Variants in SERINC5 observed in about 807,000 individuals in gnomAD.
SERINC5 encodes chromosome 5 open reading frame 12.
In SERINC5, 41 loss-of-function variants were observed where a neutral mutation model predicts 63.1. The observed-to-expected ratio is 0.65, with a 90% CI of 0.51 to 0.84. The LOEUF is 0.84. Among genes scored for constraint, SERINC5 ranks in the 40% least tolerant of loss-of-function variants. The probability of loss-of-function intolerance (pLI) is 0.00; values close to 1 mark genes in which losing one functional copy is unlikely to be tolerated. For synonymous variants in SERINC5, 222 were observed against 215.2 expected (o/e 1.03, Z -0.28); for missense variants, 523 against 573.0 (o/e 0.91, Z 0.89).
chr5:80,231,790 T>C (rs1751449284), intron 1 of SERINC5, among the ~76,000 whole-genome samples: 1 of 151,300 alleles, frequency 6.6e-6, no homozygotes, highest in African/African-American at 2.4e-5. Context: ...CCTTTCCCCA[T>C]ACCAGACAAA....
intron 8 of SERINC5, among the ~76,000 whole-genome samples, chr5:80,153,555 G>C (rs567220332): frequency 6.6e-6 from 1 of 152,034 alleles, no homozygotes; most frequent in African/African-American, 2.4e-5. Context: ...TGTTTGGTGA[G>C]CACAGCACAA....
chr5:80,212,669 G>C (rs948030758), intron 1 of SERINC5, among the ~76,000 whole-genome samples: 6 of 139,552 alleles, frequency 4.3e-5, no homozygotes, highest in African/African-American at 1.3e-4. Flanking sequence ...GTGGGGTGGG[G>C]GGGGGGTGTT....
intron 5 of SERINC5, among the ~76,000 whole-genome samples, chr5:80,171,866 G>A (rs371702931): frequency 2.6e-5 from 4 of 151,962 alleles, no homozygotes; most frequent in African/African-American, 9.7e-5. Flanking sequence ...GGGTGACAGA[G>A]TGAGACCCTG....
At chr5:80,179,261 T>G (rs967373694) in intron 2 of SERINC5, among the ~76,000 whole-genome samples, 20 of 152,134 alleles carry the variant, frequency 1.3e-4, no homozygotes, top group African/African-American at 4.8e-4. Context: ...ATCGTGACAC[T>G]GCACTCTAGC....
intron 9 of SERINC5, among the ~76,000 whole-genome samples, chr5:80,148,250 G>C (rs1337945854): frequency 6.8e-6 from 1 of 147,972 alleles, no homozygotes; most frequent in Non-Finnish European, 1.5e-5. Flanking sequence ...GAGTGCAATG[G>C]CACGATCTCG....
chr5:80,225,425 GA>G (rs1412281503), intron 1 of SERINC5, among the ~76,000 whole-genome samples: 33 of 152,184 alleles, frequency 2.2e-4, no homozygotes, highest in Admixed American at 1.6e-3. Context: ...GTAACACCTT[GA>G]TCACACCTTC....
intron 11 of SERINC5, among the ~76,000 whole-genome samples, chr5:80,145,261 T>G (rs964599956): frequency 2.0e-5 from 3 of 152,034 alleles, no homozygotes; most frequent in African/African-American, 7.3e-5. Flanking sequence ...GGAGAATCAC[T>G]TGAACCCAGG....
rs1005372954 is a variant in SERINC5 at position 80,141,262 on chromosome 5, G to C, written c.*2401C>G. ...ATCAGACCAACCGGCAGAAGGGAAC[G>C]GGATGTCACAAACCAGACTCACGCA... is the stretch of plus-strand genomic sequence containing the variant. On this transcript the variant is annotated 3_prime_UTR_variant, in exon 12 of 12. Coordinates refer to ENST00000507668, the MANE Select transcript of SERINC5 (RefSeq NM_001174072.3). The C allele has an allele frequency of 4.1e-6, 4 of 985,334 alleles. No homozygotes were observed. The highest frequency in any genetic ancestry group is 3.5e-5 in the African/African-American group (2 of 57,232). The allele number at this position is 985,334 out of a possible 1,614,324, so 61.0% of individuals were successfully genotyped here.
intron 11 of SERINC5, among the ~76,000 whole-genome samples, chr5:80,117,055 TC>T (rs1277980201): frequency 6.6e-6 from 1 of 151,946 alleles, no homozygotes; most frequent in Non-Finnish European, 1.5e-5. Context: ...GGTCTCAAAC[TC>T]CCGATCTCAG....
intron 7 of SERINC5, 37 bp from the exon 8 acceptor site, chr5:80,158,999 C>G (rs2112347149): frequency 6.2e-7 from 1 of 1,610,812 alleles, no homozygotes. Context: ...CAGTCAAGTA[C>G]AAAGGCCAGT....
At chr5:80,228,295 G>A (rs1751263873) in intron 1 of SERINC5, among the ~76,000 whole-genome samples, 1 of 118,140 alleles carries the variant, frequency 8.5e-6, no homozygotes, top group Non-Finnish European at 1.8e-5. Flanking sequence ...AGGGAAAGGA[G>A]GGAGGGAGGG....
At chr5:80,113,142 T>C (rs1744188396) in intron 12 of SERINC5, among the ~76,000 whole-genome samples, 1 of 152,212 alleles carries the variant, frequency 6.6e-6, no homozygotes. Context: ...TCTCTTTTTT[T>C]CCTTAGAATA....
intron 1 of SERINC5, among the ~76,000 whole-genome samples, chr5:80,221,969 AC>A (rs1328837667): frequency 6.6e-6 from 1 of 151,924 alleles, no homozygotes; most frequent in Admixed American, 6.6e-5. Flanking sequence ...TTGTGGGGAG[AC>A]ATCAGCTCTA....
intron 1 of SERINC5, among the ~76,000 whole-genome samples, chr5:80,249,048 C>T (rs2112610651): frequency 6.6e-6 from 1 of 152,338 alleles, no homozygotes; most frequent in East Asian, 1.9e-4. Context: ...GGTACGGTGG[C>T]TCACGCCTGT....
At position 80,140,816 on chromosome 5, in the gene SERINC5, C is replaced by A. The variant is rs1745463750; in HGVS notation, c.*2847G>T. 3.0e-6 allele frequency: 3 copies of A among 985,344 alleles called. No homozygotes were observed. Among genetic ancestry groups the A allele is most frequent in the Non-Finnish European group, 3.6e-6 (3 of 829,924 alleles). 61.0% of individuals were successfully genotyped at this position (985,344 alleles called of 1,614,324 possible). A position where few individuals can be genotyped will look rare whatever the true frequency, so the allele number is the denominator to read the frequency against. On this transcript the variant is annotated 3_prime_UTR_variant, in exon 12 of 12. Coordinates refer to ENST00000507668, the MANE Select transcript of SERINC5 (RefSeq NM_001174072.3). ...ACAAATCACACAGAGGAAATATTCA[C>A]ATGCAGCTTTAAAAAAGTCCTCTTC...
chr5:80,191,695 CTTTTT>C (rs200623852), intron 2 of SERINC5, among the ~76,000 whole-genome samples: 3 of 140,166 alleles, frequency 2.1e-5, no homozygotes, highest in Admixed American at 7.1e-5. Flanking sequence ...AAAAAAAAGA[CTTTTT>C]TTTTTTTAAC....
chr5:80,230,416 C>T (rs1280008568), intron 1 of SERINC5, among the ~76,000 whole-genome samples: 2 of 135,460 alleles, frequency 1.5e-5, no homozygotes, highest in Admixed American at 8.5e-5. Context: ...GCCAGGATCC[C>T]GCCACTGCAT....
intron 2 of SERINC5, among the ~76,000 whole-genome samples, chr5:80,194,313 C>G (rs1418633609): frequency 6.6e-6 from 1 of 152,160 alleles, no homozygotes; most frequent in Non-Finnish European, 1.5e-5. Flanking sequence ...GCCCCTGATG[C>G]AGGTCTCAGG....
chr5:80,123,440 T>C (rs1744624163), intron 11 of SERINC5, among the ~76,000 whole-genome samples: 1 of 152,178 alleles, frequency 6.6e-6, no homozygotes, highest in Non-Finnish European at 1.5e-5. Flanking sequence ...TATTTTTTAT[T>C]AATAAAAAGT....
Sources: allele counts gnomAD v4.1 joint callset (sites outside exome capture counted in the v4.1 genomes callset), GRCh38; gene constraint gnomAD v4.1.1; transcripts MANE v1.5; gene names NCBI Gene and HGNC (gene_info 2026-07-23, HGNC 2026-07-21).